The following AVEN variants were observed in gnomAD, a reference collection of about 807,000 sequenced individuals.
AVEN encodes apoptosis and caspase activation inhibitor.
In AVEN, 41 loss-of-function variants were observed where a neutral mutation model predicts 38.1. The ratio of observed to expected loss-of-function variants is 1.08; its 90% confidence interval spans 0.84 to 1.40. The LOEUF (loss-of-function observed/expected upper bound fraction) is 1.40, where lower values mean the gene tolerates loss of function less well. Among genes scored for constraint, AVEN ranks in the 40% most tolerant of loss-of-function variants. The pLI, the probability that AVEN is intolerant of heterozygous loss-of-function variation, is 0.00. For synonymous variants in AVEN, 206 were observed against 171.8 expected (o/e 1.20, Z -1.56); for missense variants, 605 against 438.8 (o/e 1.38, Z -3.38).
chr15:33,984,639 T>G (rs1896341896), intron 2 of AVEN, among the ~76,000 whole-genome samples: 1 of 152,136 alleles, frequency 6.6e-6, no homozygotes, highest in Admixed American at 6.5e-5. Context: ...TGACCTCAGG[T>G]GATCCACCCG....
intron 2 of AVEN, among the ~76,000 whole-genome samples, chr15:33,912,095 C>CGT (rs1892938809): frequency 6.6e-6 from 1 of 152,216 alleles, no homozygotes; most frequent in South Asian, 2.1e-4. Context: ...ATATGTTTAA[C>CGT]TCAGCTTCAC....
chr15:33,942,614 C>T (rs35186306), intron 2 of AVEN, among the ~76,000 whole-genome samples: 2 of 152,006 alleles, frequency 1.3e-5, no homozygotes, highest in African/African-American at 4.8e-5. Flanking sequence ...CCATGCCCGG[C>T]TAATATTTTT....
At chr15:33,869,169 AATCTT>A (rs1890829987) in intron 4 of AVEN, among the ~76,000 whole-genome samples, 1 of 152,144 alleles carries the variant, frequency 6.6e-6, no homozygotes, top group Non-Finnish European at 1.5e-5. Context: ...CCTCTATTCT[AATCTT>A]AGAGTCATTT....
rs3027963 is a variant in AVEN at position 34,058,555 on chromosome 15, A to AACACACACACAC, written n.1637+4355_1637+4366dup. On this transcript the variant is annotated intron_variant and non_coding_transcript_variant, in intron 5 of 11. Coordinates refer to the AVEN transcript ENST00000675287. Reference sequence around the variant, plus strand: ...AGGAAGTTCTCTCTGCTTTAATTCTAACACACACACACACACACACACACA... The same window carrying AACACACACACAC: ...AGGAAGTTCTCTCTGCTTTAATTCTAACACACACACACACACACACACACACACACACACACA... 2.3e-3 allele frequency among the ~76,000 whole-genome samples: 325 copies of AACACACACACAC among 143,264 alleles called. 4 individuals are homozygous for AACACACACACAC. The highest frequency in any genetic ancestry group is 8.7e-3 in the East Asian group (41 of 4,726). 94.0% of individuals were successfully genotyped at this position (143,264 alleles called of 152,430 possible). A position where few individuals can be genotyped will look rare whatever the true frequency, so the allele number is the denominator to read the frequency against.
chr15:33,909,627 A>T lies in AVEN; in HGVS notation c.446-33632T>A, dbSNP rs544904670. On this transcript the variant is annotated intron_variant, in intron 2 of 5. Coordinates refer to ENST00000306730, the MANE Select transcript of AVEN (RefSeq NM_020371.3). ...TTCGAAGTAAAAGAATCCTGGTTAG[A>T]TGCTAAAGGTGTCAGCTCCATTCCT... is the stretch of plus-strand genomic sequence containing the variant. Among the ~76,000 whole-genome samples the T allele has an allele frequency of 4.4e-4, 67 of 152,312 alleles. No homozygotes were observed. The South Asian group carries it at 0.014, about 32-fold the overall frequency.
chr15:34,051,938 T>C (rs1380781438), intron 5 of AVEN, among the ~76,000 whole-genome samples: 1 of 151,848 alleles, frequency 6.6e-6, no homozygotes, highest in Non-Finnish European at 1.5e-5. Context: ...CTGGTACCAC[T>C]CCTACTGAAA....
chr15:33,944,731 C>T (rs1475836917), intron 2 of AVEN, among the ~76,000 whole-genome samples: 1 of 151,820 alleles, frequency 6.6e-6, no homozygotes, highest in African/African-American at 2.4e-5. Context: ...ATGGCATGAA[C>T]TCGGGAGGCG....
intron 1 of AVEN, among the ~76,000 whole-genome samples, chr15:34,073,552 C>T (rs1401513999): frequency 7.5e-6 from 1 of 133,138 alleles, no homozygotes; most frequent in African/African-American, 2.9e-5. Context: ...CGGAGTTTCG[C>T]TCTTGTTGCC....
rs74578864 is a variant in AVEN at position 34,033,018 on chromosome 15, A to T, written c.267+5762T>A. 9.8e-3 allele frequency among the ~76,000 whole-genome samples: 1,486 copies of T among 152,298 alleles called. 35 individuals are homozygous for T. The highest frequency in any genetic ancestry group is 0.034 in the African/African-American group (1,424 of 41,544). On this transcript the variant is annotated intron_variant, in intron 1 of 5. Coordinates refer to ENST00000306730, the MANE Select transcript of AVEN (RefSeq NM_020371.3). ...ATGAACTGAGTGACATTGATATGGCAAAACTCCAACATTCCCATCTACCTA... is the reference window on the plus strand; with the variant it reads ...ATGAACTGAGTGACATTGATATGGCTAAACTCCAACATTCCCATCTACCTA...
At chr15:33,937,932 CAAAAAAAAAAAAAAAAAA>C (rs55887919) in intron 2 of AVEN, among the ~76,000 whole-genome samples, 1 of 100,856 alleles carries the variant, frequency 9.9e-6, no homozygotes, top group Non-Finnish European at 2.1e-5. Context: ...CCTACTTGAC[CAAAAAAAAAAAAAAAAAA>C]AAAAAAAAGA....
chr15:33,881,965 A>G (rs557018212), intron 2 of AVEN, among the ~76,000 whole-genome samples: 1 of 152,358 alleles, frequency 6.6e-6, no homozygotes, highest in South Asian at 2.1e-4. Context: ...TAGGAGTCAT[A>G]AGATTCAACA....
intron 2 of AVEN, among the ~76,000 whole-genome samples, chr15:33,926,870 G>A (rs1893624738): frequency 1.3e-5 from 2 of 152,066 alleles, no homozygotes; most frequent in Non-Finnish European, 2.9e-5. Context: ...GGCAAGGCTG[G>A]TTTCAAACTC....
At chr15:34,003,270 C>A in intron 1 of AVEN, 61 bp from the exon 2 acceptor site, 4 of 1,477,274 alleles carry the variant, frequency 2.7e-6, no homozygotes, top group Admixed American at 4.0e-5. Flanking sequence ...TAGTAGACTT[C>A]CCAGTAAAAC....
upstream of AVEN, among the ~76,000 whole-genome samples, chr15:34,039,844 C>T (rs916926903): frequency 1.2e-4 from 18 of 152,150 alleles, no homozygotes; most frequent in African/African-American, 4.1e-4. Flanking sequence ...TTAAAAAAAA[C>T]TTGACTAAAG....
intron 5 of AVEN, among the ~76,000 whole-genome samples, chr15:34,050,851 C>G (rs1011688517): frequency 1.3e-5 from 2 of 152,160 alleles, no homozygotes. Context: ...ATTCATAAAA[C>G]AAGTTCTTAG....
chr15:33,857,198 C>A (rs148051551), downstream of AVEN, among the ~76,000 whole-genome samples: 141 of 151,844 alleles, frequency 9.3e-4, no homozygotes, highest in African/African-American at 3.3e-3. Context: ...ACAGAAATGT[C>A]TTTTCGACAG....
chr15:33,909,037 A>G (rs1259397628), intron 2 of AVEN, among the ~76,000 whole-genome samples: 1 of 152,128 alleles, frequency 6.6e-6, no homozygotes, highest in Non-Finnish European at 1.5e-5. Flanking sequence ...GTGGTTTTCT[A>G]CCACTCTGAG....
rs568013047 is a variant in AVEN at position 33,961,023 on chromosome 15, C to T, written c.445+42009G>A. ...TTTCTTTTTCTTTTTTCTTTTGAGA[C>T]AGAGTCTTGCTCTGCTGTCCAGGCT... On this transcript the variant is annotated intron_variant, in intron 2 of 5. Coordinates refer to ENST00000306730, the MANE Select transcript of AVEN (RefSeq NM_020371.3). Among the ~76,000 whole-genome samples the T allele has an allele frequency of 2.6e-5, 4 of 152,174 alleles. No individual in the cohort carries two copies. In the South Asian group the frequency reaches 8.3e-4, roughly 32 times the overall value.
chr15:33,889,564 C>T (rs1412547599), intron 2 of AVEN, among the ~76,000 whole-genome samples: 1 of 146,804 alleles, frequency 6.8e-6, no homozygotes, highest in Non-Finnish European at 1.5e-5. Flanking sequence ...CCCTCCTATT[C>T]AACCCAATGG....
Sources: gnomAD v4.1 joint callset for allele counts (sites outside exome capture counted in the v4.1 genomes callset) on GRCh38, gnomAD v4.1.1 for gene constraint, MANE v1.5 for transcripts, NCBI Gene and HGNC (gene_info 2026-07-23, HGNC 2026-07-21) for gene names.